The following TIAM1 variants were observed in gnomAD, a reference collection of about 807,000 sequenced individuals.
TIAM1 encodes rho guanine nucleotide exchange factor TIAM1.
In TIAM1, 65 loss-of-function variants were observed where a neutral mutation model predicts 163.5. That is an observed-to-expected ratio of 0.40 (90% confidence interval 0.33 to 0.49). TIAM1 has a LOEUF of 0.49. Among genes scored for constraint, TIAM1 ranks in the 20% least tolerant of loss-of-function variants. The probability of loss-of-function intolerance (pLI) is 0.77; values close to 1 mark genes in which losing one functional copy is unlikely to be tolerated. For missense variants in TIAM1, 1,789 were observed against 2,044.7 expected, an observed-to-expected ratio of 0.87 and a Z score of 2.41; for synonymous variants, 833 against 810.1, an observed-to-expected ratio of 1.03 and a Z score of -0.48.
upstream of TIAM1, among the ~76,000 whole-genome samples, chr21:31,348,872 T>C (rs1602066258): frequency 6.6e-6 from 1 of 152,216 alleles, no homozygotes; most frequent in Non-Finnish European, 1.5e-5. Flanking sequence ...GTAAACCTTA[T>C]GCCAACCAAA....
Position 31,232,302 on chromosome 21 carries a change from A to T in TIAM1, c.1585-6352T>A, listed in dbSNP as rs145496032. On this transcript the variant is annotated intron_variant, in intron 6 of 27. Coordinates refer to ENST00000541036, the MANE Select transcript of TIAM1 (RefSeq NM_001353694.2). Reference sequence around the variant, plus strand: ...CCCCCAAACTTTTTAAAAACCTGTCAATGGCTGAAGGCAGTTCCATTAGAG... The same window carrying T: ...CCCCCAAACTTTTTAAAAACCTGTCTATGGCTGAAGGCAGTTCCATTAGAG... 2.8e-3 allele frequency among the ~76,000 whole-genome samples: 423 copies of T among 152,280 alleles called. 4 individuals are homozygous for T. Among genetic ancestry groups the T allele is most frequent in the African/African-American group, 9.6e-3 (400 of 41,556 alleles).
At chr21:31,408,257 A>C (rs1210420674) in intron 2 of TIAM1, among the ~76,000 whole-genome samples, 8 of 152,168 alleles carry the variant, frequency 5.3e-5, no homozygotes, top group African/African-American at 1.9e-4. Context: ...AAAATCTTAC[A>C]CTTGTAAAGA....
intron 1 of TIAM1, among the ~76,000 whole-genome samples, chr21:31,487,704 C>T (rs1192792065): frequency 6.6e-6 from 1 of 151,688 alleles, no homozygotes; most frequent in Non-Finnish European, 1.5e-5. Flanking sequence ...ACTACAGGCG[C>T]CCGCCACCGC....
At position 31,218,074 on chromosome 21, in the gene TIAM1, T is replaced by C. The variant is rs1022554666; in HGVS notation, c.1996-375A>G. 2.0e-5 allele frequency among the ~76,000 whole-genome samples: 3 copies of C among 152,330 alleles called. No individual in the cohort carries two copies. The East Asian group carries it at 5.8e-4, about 29-fold the overall frequency. On this transcript the variant is annotated intron_variant, in intron 8 of 27. Coordinates refer to ENST00000541036, the MANE Select transcript of TIAM1 (RefSeq NM_001353694.2). ...CAAATGCTACAGAGCTGTTTCTGCA[T>C]TCTATTGAAAAATGGTGCTAAAGCG...
rs753919781 is a variant in TIAM1, at chr21:31,187,040, C to A, written c.2623G>T (p.Val875Leu). Residue 875 changes from valine (V) to leucine (L), a missense_variant, in exon 14 of 28, where the codon GTG (valine) becomes TTG (leucine). Val to Leu is a conservative substitution (Grantham distance 32, BLOSUM62 1). Transcript: ENST00000541036. Reference sequence around the variant, plus strand: ...AAACCGGTTTCCTTCACACTATTCACGTACAGCCTTCGAATACCATCTTCT... The same window carrying A: ...AAACCGGTTTCCTTCACACTATTCAAGTACAGCCTTCGAATACCATCTTCT... ...VEEDGIRRLY[V>L]NSVKETGLAS... The A allele has an allele frequency of 6.2e-7, 1 of 1,614,136 alleles. No homozygotes were observed. The highest frequency in any genetic ancestry group is 8.5e-7 in the Non-Finnish European group (1 of 1,180,008).
intron 2 of TIAM1, among the ~76,000 whole-genome samples, chr21:31,286,048 G>A (rs2073796937): frequency 2.0e-5 from 3 of 152,090 alleles, no homozygotes. Flanking sequence ...AAAAGGTATT[G>A]GGCAAGTATG....
intron 19 of TIAM1, 58 bp from the exon 20 acceptor site, chr21:31,147,061 G>A: frequency 2.1e-6 from 3 of 1,429,546 alleles, no homozygotes; most frequent in Non-Finnish European, 3.0e-6. Flanking sequence ...GGAAATATCA[G>A]CAGGTTATGG....
Position 31,124,476 on chromosome 21 carries a change from G to A in TIAM1, c.4306+46C>T, listed in dbSNP as rs200872197. On this transcript the variant is annotated intron_variant, in intron 27 of 27. Coordinates refer to ENST00000541036, the MANE Select transcript of TIAM1 (RefSeq NM_001353694.2). Reference sequence around the variant, plus strand: ...GTCAAGCTCACTGGAGTTCTACTGCGGAGTGGGGGTGACGGGAATCTTGAA... The same window carrying A: ...GTCAAGCTCACTGGAGTTCTACTGCAGAGTGGGGGTGACGGGAATCTTGAA... The A allele has an allele frequency of 3.1e-4, 505 of 1,607,776 alleles. No homozygotes were observed. In the African/African-American group the frequency reaches 5.7e-3, roughly 18 times the overall value.
chr21:31,280,690 A>G (rs2073510769), intron 2 of TIAM1, among the ~76,000 whole-genome samples: 1 of 152,176 alleles, frequency 6.6e-6, no homozygotes, highest in African/African-American at 2.4e-5. Flanking sequence ...CCACTCCTGT[A>G]ATATTATTTA....
At chr21:31,486,814 A>C (rs2046287265) in intron 1 of TIAM1, among the ~76,000 whole-genome samples, 1 of 152,204 alleles carries the variant, frequency 6.6e-6, no homozygotes, top group Non-Finnish European at 1.5e-5. Flanking sequence ...AGATGTAATG[A>C]GAGTCATATC....
chr21:31,246,637 G>A (rs1214641074), intron 5 of TIAM1, among the ~76,000 whole-genome samples: 2 of 152,172 alleles, frequency 1.3e-5, no homozygotes, highest in East Asian at 3.8e-4. Context: ...GCTACAATGG[G>A]AATCTGTCAA....
intron 2 of TIAM1, among the ~76,000 whole-genome samples, chr21:31,423,202 C>T (rs1386560390): frequency 1.3e-5 from 2 of 148,844 alleles, no homozygotes; most frequent in African/African-American, 5.0e-5. Flanking sequence ...GGGTTCACGC[C>T]ATTCTCCTGC....
chr21:31,537,912 A>G (rs1320278871), intron 1 of TIAM1, among the ~76,000 whole-genome samples: 40 of 152,244 alleles, frequency 2.6e-4, no homozygotes, highest in Admixed American at 2.6e-3. Context: ...CAAACAAAGA[A>G]AACTTAAAAA....
At chr21:31,493,673 TAGA>T (rs1263759154) in intron 1 of TIAM1, among the ~76,000 whole-genome samples, 3 of 152,098 alleles carry the variant, frequency 2.0e-5, no homozygotes, top group Non-Finnish European at 4.4e-5. Flanking sequence ...AACGAAGGGT[TAGA>T]AGAATAGCCT....
At chr21:31,260,099 TAA>T (rs1364232549) in intron 4 of TIAM1, among the ~76,000 whole-genome samples, 1 of 146,494 alleles carries the variant, frequency 6.8e-6, no homozygotes, top group Non-Finnish European at 1.5e-5. Context: ...CATGGCCAGC[TAA>T]TTTTTCCTTT....
intron 15 of TIAM1, among the ~76,000 whole-genome samples, chr21:31,167,358 C>T (rs1465943399): frequency 2.0e-5 from 3 of 152,146 alleles, no homozygotes; most frequent in Non-Finnish European, 4.4e-5. Context: ...GCTGGGATTA[C>T]AGGCATGAGC....
At chr21:31,391,002 T>C (rs2076956607) in intron 2 of TIAM1, among the ~76,000 whole-genome samples, 1 of 152,134 alleles carries the variant, frequency 6.6e-6, no homozygotes, top group African/African-American at 2.4e-5. Flanking sequence ...GACAGGCAGA[T>C]ACCTTTCTAG....
chr21:31,376,468 T>C (rs991959613), intron 2 of TIAM1, among the ~76,000 whole-genome samples: 5 of 152,176 alleles, frequency 3.3e-5, no homozygotes, highest in Admixed American at 2.0e-4. Flanking sequence ...AAACTCCTGA[T>C]TATGCGTGCT....
intron 2 of TIAM1, among the ~76,000 whole-genome samples, chr21:31,306,080 T>C (rs1156722285): frequency 6.6e-6 from 1 of 151,606 alleles, no homozygotes; most frequent in Non-Finnish European, 1.5e-5. Flanking sequence ...CCAAAATAAA[T>C]AACAGAATGG....
Sources: gnomAD v4.1 joint callset for allele counts (sites outside exome capture counted in the v4.1 genomes callset) on GRCh38, gnomAD v4.1.1 for gene constraint, MANE v1.5 for transcripts, NCBI Gene and HGNC (gene_info 2026-07-23, HGNC 2026-07-21) for gene names.